HOXB3: variants seen among roughly 807,000 people sequenced by gnomAD.
HOXB3 encodes the protein homeobox protein Hox-B3.
In HOXB3, 17 loss-of-function variants were observed where a neutral mutation model predicts 29.2. That is an observed-to-expected ratio of 0.58 (90% CI 0.40 to 0.87). The LOEUF is 0.87. HOXB3 is among the 40% of genes least tolerant of loss of function. The pLI, the probability that HOXB3 is intolerant of heterozygous loss-of-function variation, is 0.00. For missense variants in HOXB3, 637 were observed against 616.3 expected, an observed-to-expected ratio of 1.03 and a Z score of -0.35; for synonymous variants, 317 against 285.9, an observed-to-expected ratio of 1.11 and a Z score of -1.10.
intron 1 of HOXB3, chr17:48,574,972 A>G (rs2069712815): frequency 1.3e-5 from 2 of 152,244 alleles, no homozygotes; most frequent in Admixed American, 6.5e-5. Context: ...GAAAACCTGC[A>G]AACACCCAGA....
chr17:48,579,592 G>A (rs1363206728), intron 1 of HOXB3: 1 of 153,526 alleles, frequency 6.5e-6, no homozygotes, highest in African/African-American at 2.4e-5. Context: ...GGGACGAGAA[G>A]ATAAATTTAA....
intron 2 of HOXB3, among the ~76,000 whole-genome samples, chr17:48,562,477 C>A (rs551763046): frequency 1.3e-5 from 2 of 152,158 alleles, no homozygotes; most frequent in Admixed American, 6.5e-5. Context: ...TTCCCTACCC[C>A]CAAAGCTGTG....
intron 2 of HOXB3, among the ~76,000 whole-genome samples, chr17:48,564,499 C>A (rs1317033972): frequency 6.6e-6 from 1 of 151,932 alleles, no homozygotes; most frequent in African/African-American, 2.4e-5. Flanking sequence ...GCACTCCGGG[C>A]GCGGCAGACG....
chr17:48,552,127 C>T lies in HOXB3; in HGVS notation c.348G>A (p.Lys116=), dbSNP rs747646323. ...GGGPSKSGPP[K]CGPGTNSTLT... ...GGGTGGAGTTGGTGCCGGGACCGCA[C>T]TTTGGGGGACCACTTTTGCTGGGCC... The change falls in exon 4 of 5, where the codon AAG becomes AAA. Residue 116 remains lysine (K), a synonymous_variant. Transcript: ENST00000498678. 1.9e-6 allele frequency: 3 copies of T among 1,613,942 alleles called. No homozygotes were observed. Among genetic ancestry groups the T allele is most frequent in the South Asian group, 1.1e-5 (1 of 91,048 alleles).
intron 2 of HOXB3, among the ~76,000 whole-genome samples, chr17:48,569,308 C>T (rs1301301998): frequency 2.0e-5 from 3 of 152,038 alleles, no homozygotes; most frequent in Non-Finnish European, 2.9e-5. Flanking sequence ...AATAAGTTCC[C>T]CCTCAACCCA....
intron 2 of HOXB3, among the ~76,000 whole-genome samples, chr17:48,569,067 T>C (rs996875502): frequency 2.7e-5 from 4 of 148,530 alleles, no homozygotes; most frequent in Non-Finnish European, 4.5e-5. Context: ...CTCTCCCCCC[T>C]CTCTTTTTTT....
chr17:48,565,571 T>C (rs1022050657), intron 2 of HOXB3, among the ~76,000 whole-genome samples: 1 of 152,242 alleles, frequency 6.6e-6, no homozygotes, highest in African/African-American at 2.4e-5. Flanking sequence ...CTCAGTGTCT[T>C]CAGTGAATTT....
At position 48,554,745 on chromosome 17, in the gene HOXB3, G is replaced by A. The variant is rs1204208479; in HGVS notation, c.-159+786C>T. 4 of 702,400 alleles carry A rather than the reference G, an allele frequency of 5.7e-6. No homozygotes were observed. The highest frequency in any genetic ancestry group is 1.0e-5 in the Non-Finnish European group (4 of 384,840). 43.5% of individuals were successfully genotyped at this position (702,400 alleles called of 1,614,324 possible). The stretch of plus-strand genomic sequence containing the variant: ...GGCCGAGCCCCGCGGGCGGCAGCAA[G>A]TTTTGGGAGCTGGAGGTAACCGAAT... On this transcript the variant is annotated intron_variant, in intron 3 of 4. Coordinates refer to ENST00000498678, the MANE Select transcript of HOXB3 (RefSeq NM_001384749.1). This position sits in a 1 kb window ranked among gnomAD's most constrained non-coding sequence, Gnocchi z 4.1.
chr17:48,567,259 G>A (rs1018635389), intron 2 of HOXB3, among the ~76,000 whole-genome samples: 2 of 152,334 alleles, frequency 1.3e-5, no homozygotes, highest in Non-Finnish European at 2.9e-5. Flanking sequence ...TGCAGGGACT[G>A]GGGCCTAAGC....
Position 48,550,578 on chromosome 17 carries a change from A to T in HOXB3, c.1052T>A (p.Val351Glu), listed in dbSNP as rs200036681. Residue 351 changes from valine to glutamate, a missense_variant, in exon 5 of 5, where the codon GTG (valine) becomes GAG (glutamate). Physicochemically the swap from Val to Glu is moderately radical, Grantham distance 121. Coordinates refer to ENST00000498678, the MANE Select transcript of HOXB3 (RefSeq NM_001384749.1). Reference protein sequence around the residue: ...YGTPTMQGSPVYVGGGGYADP... With the variant: ...YGTPTMQGSPEYVGGGGYADP... ...CGCGTAGCCGCCCCCGCCCACGTAC[A>T]CCGGACTGCCCTGCATGGTGGGCGT... The T allele has an allele frequency of 3.3e-6, 5 of 1,530,188 alleles. No homozygotes were observed. The East Asian group carries it at 1.1e-4, about 34-fold the overall frequency. The allele number at this position is 1,530,188 out of a possible 1,614,324, so 94.8% of individuals were successfully genotyped here. A position where few individuals can be genotyped will look rare whatever the true frequency, so the allele number is the denominator to read the frequency against.
rs1325100237 is a variant in HOXB3, at chr17:48,590,159, T to G, written c.-459A>C. On this transcript the variant is annotated 5_prime_UTR_variant, in exon 1 of 5. Coordinates refer to ENST00000498678, the MANE Select transcript of HOXB3 (RefSeq NM_001384749.1). ...GCTGGCCTGGGCCGCCGCTGCCTTC[T>G]GGGCTGGTCCGGCTGCTCCAGGCTG... The G allele has an allele frequency of 6.6e-6, 1 of 152,254 alleles. No individual in the cohort carries two copies. The highest frequency in any genetic ancestry group is 2.4e-5 in the African/African-American group (1 of 41,462). The allele number at this position is 152,254 out of a possible 1,614,324, so 9.4% of individuals were successfully genotyped here. A position where few individuals can be genotyped will look rare whatever the true frequency, so the allele number is the denominator to read the frequency against.
intron 2 of HOXB3, 38 bp from the exon 3 acceptor site, chr17:48,555,656 T>C (rs2068954845): frequency 2.9e-6 from 2 of 699,434 alleles, no homozygotes; most frequent in African/African-American, 1.8e-5. Context: ...TGTTTAAAGC[T>C]GCGTCGCCCC....
intron 1 of HOXB3, chr17:48,577,771 C>T (rs1157007365): frequency 1.6e-5 from 19 of 1,175,560 alleles, no homozygotes; most frequent in Non-Finnish European, 1.8e-5. Context: ...AATTGGCTTC[C>T]CCAGCTCAAC....
At position 48,550,466 on chromosome 17, in the gene HOXB3, C is replaced by A. The variant is rs763094017; in HGVS notation, c.1164G>T (p.Gly388=). Residue 388 remains glycine, a synonymous_variant, in exon 5 of 5, where the codon GGG becomes GGT. Coordinates refer to ENST00000498678, the MANE Select transcript of HOXB3 (RefSeq NM_001384749.1). ...GCTGGCTGGGCGCCATAGGGGGCGC[C>A]CCGTTGTAGTCCAGGTTCCCGGAAG... ...HHPSGNLDYN[G]APPMAPSQHH... 1.6e-5 allele frequency: 26 copies of A among 1,611,796 alleles called. No individual in the cohort carries two copies. In the Admixed American group the frequency reaches 3.2e-4, roughly 20 times the overall value.
At chr17:48,575,386 C>T (rs1158750354) in intron 1 of HOXB3, 2 of 152,208 alleles carry the variant, frequency 1.3e-5, no homozygotes, top group African/African-American at 4.8e-5. Context: ...TCCCATCAGA[C>T]TCTTTGAAAA....
At chr17:48,580,315 AC>A in intron 1 of HOXB3, 1 of 47,440 alleles carries the variant, frequency 2.1e-5, no homozygotes, top group Non-Finnish European at 4.4e-5. Context: ...TCCCCCCAGG[AC>A]TTTTTTTTTT....
At chr17:48,576,394 A>T in intron 1 of HOXB3, 1 of 224,942 alleles carries the variant, frequency 4.4e-6, no homozygotes, top group Non-Finnish European at 8.6e-6. Context: ...AAAGCTGAAA[A>T]CGAGGAGCTG....
chr17:48,551,271 T>A, intron 4 of HOXB3, 90 bp from the exon 5 acceptor site: 1 of 1,216,362 alleles, frequency 8.2e-7, no homozygotes, highest in Non-Finnish European at 1.0e-6. Flanking sequence ...CGTTTCTTAA[T>A]AAATCCAGGC....
intron 1 of HOXB3, among the ~76,000 whole-genome samples, chr17:48,586,062 C>T (rs969298722): frequency 1.2e-4 from 19 of 152,228 alleles, no homozygotes; most frequent in Admixed American, 1.2e-3. Context: ...AGGCTCAGCC[C>T]GGATCCACTA....
Sources: gnomAD v4.1 joint callset for allele counts (sites outside exome capture counted in the v4.1 genomes callset) on GRCh38, gnomAD v4.1.1 for gene constraint, Gnocchi (gnomAD v3.1) non-coding constraint, MANE v1.5 for transcripts, NCBI Gene and HGNC (gene_info 2026-07-23, HGNC 2026-07-21) for gene names.